The following MAGI2 variants were observed in gnomAD, a reference collection of about 807,000 sequenced individuals.
The protein encoded by MAGI2 is membrane-associated guanylate kinase, WW and PDZ domain-containing protein 2.
In MAGI2, 35 loss-of-function variants were observed where a neutral mutation model predicts 133.3. The ratio of observed to expected loss-of-function variants is 0.26; its 90% CI spans 0.20 to 0.35. The LOEUF is 0.35. Among genes scored for constraint, MAGI2 ranks in the 10% least tolerant of loss-of-function variants. MAGI2 has a pLI of 1.00. For synonymous variants in MAGI2, 729 were observed against 710.6 expected, an observed-to-expected ratio of 1.03 and a Z score of -0.41; for missense variants, 1,636 against 1,863.4, an observed-to-expected ratio of 0.88 and a Z score of 2.25.
chr7:79,028,299 A>ATATATATATATGTATG (rs1562805564), intron 1 of MAGI2, among the ~76,000 whole-genome samples: 2 of 85,040 alleles, frequency 2.4e-5, no homozygotes, highest in African/African-American at 1.1e-4. Context: ...ATATGTGTGT[A>ATATATATATATGTATG]TATATATATA....
At chr7:79,112,567 A>G (rs1052659800) in intron 1 of MAGI2, among the ~76,000 whole-genome samples, 1 of 152,196 alleles carries the variant, frequency 6.6e-6, no homozygotes, top group Non-Finnish European at 1.5e-5. Flanking sequence ...TGAAAAAACT[A>G]CTCCAAGACT....
At chr7:78,167,846 C>G in intron 15 of MAGI2, 70 bp downstream of exon 15, 1 of 1,455,994 alleles carries the variant, frequency 6.9e-7, no homozygotes, top group Non-Finnish European at 9.4e-7. Flanking sequence ...TTTCATGTGG[C>G]CTTACCATGT....
intron 1 of MAGI2, among the ~76,000 whole-genome samples, chr7:79,168,889 G>GATAGATATATATATATATAT (rs1396243710): frequency 1.4e-4 from 2 of 14,636 alleles, no homozygotes; most frequent in Non-Finnish European, 4.2e-4. Context: ...TCTAAAGATA[G>GATAGATATATATATATATAT]ATATATATAT....
At chr7:78,988,245 C>T (rs543176868) in intron 2 of MAGI2, among the ~76,000 whole-genome samples, 1 of 151,978 alleles carries the variant, frequency 6.6e-6, no homozygotes, top group African/African-American at 2.4e-5. Flanking sequence ...ACAAACAAAG[C>T]CACAAATTAG....
rs140374159 is a variant in MAGI2 at position 78,641,002 on chromosome 7, GATGAGTTCTC to G, written c.419-13773_419-13764del. Reference sequence around the variant, plus strand: ...GTTTCCCCCATCCTGTTATTGTGATGATGAGTTCTCATGAGATCTGATGGTTTTATAAGAT... The same window carrying G: ...GTTTCCCCCATCCTGTTATTGTGATGATGAGATCTGATGGTTTTATAAGAT... On this transcript the variant is annotated intron_variant, in intron 2 of 21. Coordinates refer to ENST00000354212, the MANE Select transcript of MAGI2 (RefSeq NM_012301.4). Among the ~76,000 whole-genome samples, 780 of 152,264 alleles carry G rather than the reference GATGAGTTCTC, an allele frequency of 5.1e-3. 10 individuals are homozygous for G. Among genetic ancestry groups the G allele is most frequent in the African/African-American group, 0.018 (748 of 41,540 alleles).
At chr7:79,019,870 G>T (rs1176936701) in intron 1 of MAGI2, among the ~76,000 whole-genome samples, 1 of 152,078 alleles carries the variant, frequency 6.6e-6, no homozygotes, top group Non-Finnish European at 1.5e-5. Flanking sequence ...CTTCATAGCA[G>T]CATGAGAAGA....
chr7:78,344,027 A>C, intron 8 of MAGI2, 67 bp from the exon 9 acceptor site: 1 of 1,463,968 alleles, frequency 6.8e-7, no homozygotes, highest in Non-Finnish European at 9.3e-7. Flanking sequence ...GACAAGAGAA[A>C]GCCAGCCCCT....
chr7:79,075,621 T>C (rs1456266925), intron 1 of MAGI2, among the ~76,000 whole-genome samples: 1 of 151,852 alleles, frequency 6.6e-6, no homozygotes, highest in Non-Finnish European at 1.5e-5. Flanking sequence ...AAATTAGCCA[T>C]GCATGGTGGT....
chr7:79,337,692 A>G (rs369131633), intron 1 of MAGI2, among the ~76,000 whole-genome samples: 1 of 152,310 alleles, frequency 6.6e-6, no homozygotes, highest in African/African-American at 2.4e-5. Flanking sequence ...TCTGCTGGAA[A>G]AAAAAGTGCT....
intron 1 of MAGI2, among the ~76,000 whole-genome samples, chr7:79,046,696 G>T (rs1039023923): frequency 2.0e-5 from 3 of 152,182 alleles, no homozygotes; most frequent in Admixed American, 2.0e-4. Flanking sequence ...TGCCCAACTT[G>T]CTTTTTCTAC....
chr7:78,555,435 G>A (rs116079001), intron 3 of MAGI2, among the ~76,000 whole-genome samples: 2,579 of 151,980 alleles, frequency 0.017, 40 homozygotes, highest in African/African-American at 0.049. Flanking sequence ...TGAGATATAT[G>A]GACACATATA....
chr7:79,445,186 A>G (rs1205344565), intron 1 of MAGI2, among the ~76,000 whole-genome samples: 1 of 152,220 alleles, frequency 6.6e-6, no homozygotes, highest in Non-Finnish European at 1.5e-5. Context: ...AAAGACTTAA[A>G]TGTTAGACCT....
chr7:78,070,174 CATATAT>C (rs57714371), intron 21 of MAGI2, among the ~76,000 whole-genome samples: 4,223 of 55,460 alleles, frequency 0.076, 104 homozygotes, highest in Non-Finnish European at 0.098. Flanking sequence ...CACACACACA[CATATAT>C]ATATATATAT....
At chr7:78,597,375 G>C (rs1377513593) in intron 3 of MAGI2, among the ~76,000 whole-genome samples, 1 of 16,854 alleles carries the variant, frequency 5.9e-5, no homozygotes, top group East Asian at 4.7e-4. Context: ...TGAATTCCTT[G>C]GGGGGGGGGG....
chr7:78,563,211 C>A (rs1800593562), intron 3 of MAGI2, among the ~76,000 whole-genome samples: 2 of 152,216 alleles, frequency 1.3e-5, no homozygotes, highest in East Asian at 1.9e-4. Flanking sequence ...CAGGGCACAA[C>A]TGAAAAGGTT....
chr7:78,027,952 G>A (rs1029186562), intron 21 of MAGI2, among the ~76,000 whole-genome samples: 1 of 152,176 alleles, frequency 6.6e-6, no homozygotes, highest in Non-Finnish European at 1.5e-5. Context: ...TGGTTTTATT[G>A]AAATCTATTT....
At chr7:78,883,280 A>G (rs1052007925) in intron 2 of MAGI2, among the ~76,000 whole-genome samples, 1 of 152,042 alleles carries the variant, frequency 6.6e-6, no homozygotes, top group African/African-American at 2.4e-5. Context: ...AAACAAAACA[A>G]AACCAAATAA....
At chr7:78,284,459 T>G (rs1325576422) in intron 9 of MAGI2, among the ~76,000 whole-genome samples, 5 of 151,388 alleles carry the variant, frequency 3.3e-5, no homozygotes, top group African/African-American at 1.2e-4. Context: ...TCTTTTTTTT[T>G]TTTTTTAAAA....
intron 3 of MAGI2, among the ~76,000 whole-genome samples, chr7:78,578,845 C>CA (rs1802541222): frequency 1.3e-5 from 2 of 152,180 alleles, no homozygotes; most frequent in Admixed American, 1.3e-4. Flanking sequence ...CTGAACAAAG[C>CA]AAAATACTCC....
Sources: gnomAD v4.1 joint callset for allele counts (sites outside exome capture counted in the v4.1 genomes callset) on GRCh38, gnomAD v4.1.1 for gene constraint, MANE v1.5 for transcripts, NCBI Gene and HGNC (gene_info 2026-07-23, HGNC 2026-07-21) for gene names.